The following PDE1C variants were observed in gnomAD, a reference collection of about 807,000 sequenced individuals.
PDE1C encodes phosphodiesterase 1C.
In PDE1C, 62 loss-of-function variants were observed where a neutral mutation model predicts 93.1. That is an observed-to-expected ratio of 0.67 (90% CI 0.54 to 0.82). The LOEUF is 0.82. Among genes scored for constraint, PDE1C ranks in the 40% least tolerant of loss-of-function variants. The pLI, the probability that PDE1C is intolerant of heterozygous loss-of-function variation, is 0.00. For missense variants in PDE1C, 742 were observed against 884.6 expected (o/e 0.84, Z 2.04); for synonymous variants, 325 against 310.1 (o/e 1.05, Z -0.50).
chr7:32,112,846 GTA>G (rs1203879712), intron 3 of PDE1C, among the ~76,000 whole-genome samples: 4,324 of 58,536 alleles, frequency 0.074, 82 homozygotes, highest in African/African-American at 0.09. Flanking sequence ...GTGTGTGTGT[GTA>G]TATATATATA....
At chr7:31,619,381 T>C in the PDE1C span, among the ~76,000 whole-genome samples, 1 of 152,230 alleles carries the variant, frequency 6.6e-6, no homozygotes, top group Non-Finnish European at 1.5e-5. Context: ...GTGTTGAATT[T>C]TCAATTCTTA....
rs547121173 is a variant in PDE1C, at chr7:31,947,251, C to T, written c.129-66391G>A. Among the ~76,000 whole-genome samples the T allele has an allele frequency of 3.1e-4, 47 of 152,196 alleles. No individual in the cohort carries two copies. The South Asian group carries it at 9.6e-3, about 31-fold the overall frequency. Reference sequence around the variant, plus strand: ...TGGGTACAAAGACTGAATATGAGACCCATCTGTAGCTTGGAGAGTAATCCA... The same window carrying T: ...TGGGTACAAAGACTGAATATGAGACTCATCTGTAGCTTGGAGAGTAATCCA... On this transcript the variant is annotated intron_variant, in intron 2 of 17. Coordinates refer to ENST00000396191, the MANE Select transcript of PDE1C (RefSeq NM_001191057.4).
At chr7:32,134,616 G>A (rs1221327542) in intron 3 of PDE1C, among the ~76,000 whole-genome samples, 1 of 152,162 alleles carries the variant, frequency 6.6e-6, no homozygotes, top group Non-Finnish European at 1.5e-5. Flanking sequence ...CAGGGATATG[G>A]ATGAAACTGG....
At chr7:32,391,224 C>A (rs1393100692) in intron 1 of PDE1C, among the ~76,000 whole-genome samples, 1 of 152,012 alleles carries the variant, frequency 6.6e-6, no homozygotes, top group Non-Finnish European at 1.5e-5. Context: ...CCTAAGAGAG[C>A]TGAAGTGGCT....
intron 2 of PDE1C, among the ~76,000 whole-genome samples, chr7:31,905,728 T>C (rs1454203665): frequency 6.6e-6 from 1 of 152,178 alleles, no homozygotes; most frequent in Non-Finnish European, 1.5e-5. Context: ...TAGTAGCTGA[T>C]AAGGTTTGGC....
chr7:32,295,356 T>C (rs1812562247), intron 1 of PDE1C, among the ~76,000 whole-genome samples: 1 of 152,204 alleles, frequency 6.6e-6, no homozygotes, highest in African/African-American at 2.4e-5. Flanking sequence ...AGATGTGGTT[T>C]GAATCCAACT....
chr7:32,319,095 C>A (rs913388643), intron 1 of PDE1C, among the ~76,000 whole-genome samples: 17 of 152,234 alleles, frequency 1.1e-4, no homozygotes, highest in Non-Finnish European at 4.4e-5. Flanking sequence ...GCGCCCTCCA[C>A]GCCGTCACCC....
chr7:32,004,734 A>G (rs949710186), intron 2 of PDE1C, among the ~76,000 whole-genome samples: 2 of 152,224 alleles, frequency 1.3e-5, no homozygotes, highest in Non-Finnish European at 2.9e-5. Flanking sequence ...AGATTCTCCA[A>G]TTCCTTTGTT....
the PDE1C span, among the ~76,000 whole-genome samples, chr7:31,631,779 A>G: frequency 6.6e-6 from 1 of 152,342 alleles, no homozygotes; most frequent in Non-Finnish European, 1.5e-5. Flanking sequence ...GTTACGTAGA[A>G]ATCTTCATAG....
the PDE1C span, among the ~76,000 whole-genome samples, chr7:31,712,491 T>G: frequency 6.6e-6 from 1 of 151,660 alleles, no homozygotes. Context: ...CACCAGGGAG[T>G]CCTCCCAATA....
At chr7:31,891,594 T>C (rs1798641099) in intron 2 of PDE1C, among the ~76,000 whole-genome samples, 1 of 152,174 alleles carries the variant, frequency 6.6e-6, no homozygotes, top group African/African-American at 2.4e-5. Context: ...CAAAAGGTTA[T>C]ATACTATATG....
At chr7:32,259,695 A>T (rs1810060115) in intron 1 of PDE1C, among the ~76,000 whole-genome samples, 1 of 152,172 alleles carries the variant, frequency 6.6e-6, no homozygotes, top group South Asian at 2.1e-4. Context: ...AGCCCCAGAG[A>T]AATTCCTTGA....
At position 31,775,651 on chromosome 7, in the gene PDE1C, G is replaced by A. The variant is rs1795775973; in HGVS notation, c.1960+13C>T. The A allele has an allele frequency of 6.2e-7, 1 of 1,609,928 alleles. No homozygotes were observed. Among genetic ancestry groups the A allele is most frequent in the African/African-American group, 1.3e-5 (1 of 74,976 alleles). The stretch of plus-strand genomic sequence containing the variant: ...GTGGTCACTAAGATAATGGTGCAAT[G>A]CTGTTTACCCACCTGGCAACGTAAG... On this transcript the variant is annotated intron_variant, in intron 17 of 17. Transcript: ENST00000396191.
intron 2 of PDE1C, among the ~76,000 whole-genome samples, chr7:31,965,502 T>A (rs970441642): frequency 9.2e-5 from 14 of 152,146 alleles, no homozygotes; most frequent in African/African-American, 1.9e-4. Flanking sequence ...TGAAAGTGAC[T>A]GGGAGAATGG....
At chr7:32,163,907 A>G (rs773793149) in intron 3 of PDE1C, among the ~76,000 whole-genome samples, 32 of 152,174 alleles carry the variant, frequency 2.1e-4, no homozygotes, top group Non-Finnish European at 4.3e-4. Flanking sequence ...CTGAAGTGAG[A>G]AAGAATTAGA....
the PDE1C span, among the ~76,000 whole-genome samples, chr7:31,640,136 C>A: frequency 6.6e-6 from 1 of 152,134 alleles, no homozygotes; most frequent in East Asian, 1.9e-4. Context: ...ACCAGAGCAG[C>A]GGTCATTCTA....
intron 1 of PDE1C, among the ~76,000 whole-genome samples, chr7:32,328,015 T>C (rs1292882815): frequency 6.6e-6 from 1 of 152,206 alleles, no homozygotes; most frequent in Non-Finnish European, 1.5e-5. Context: ...AACATTTTCC[T>C]TCACATCTCT....
the PDE1C span, among the ~76,000 whole-genome samples, chr7:31,699,627 T>A: frequency 6.6e-6 from 1 of 152,212 alleles, no homozygotes; most frequent in South Asian, 2.1e-4. Context: ...TTTTGTGCTT[T>A]TCAGATATTG....
At chr7:31,925,417 C>T (rs1224899945) in intron 2 of PDE1C, among the ~76,000 whole-genome samples, 2 of 151,932 alleles carry the variant, frequency 1.3e-5, no homozygotes, top group Non-Finnish European at 2.9e-5. Context: ...CAATAAAGTT[C>T]CATTCAGTCT....
Sources: allele counts gnomAD v4.1 joint callset (sites outside exome capture counted in the v4.1 genomes callset), GRCh38; gene constraint gnomAD v4.1.1; transcripts MANE v1.5; gene names NCBI Gene and HGNC (gene_info 2026-07-23, HGNC 2026-07-21).